The following EYA1 variants were observed in gnomAD, a reference collection of about 807,000 sequenced individuals.
EYA1 encodes protein phosphatase EYA1.
In EYA1, 16 loss-of-function variants were observed where a neutral mutation model predicts 82.0. The observed-to-expected ratio is 0.20, with a 90% CI of 0.13 to 0.30. EYA1 has a LOEUF of 0.30. Ranked by LOEUF, EYA1 falls within the 10% of genes least tolerant of loss-of-function variation. The probability of loss-of-function intolerance (pLI) is 1.00; values close to 1 mark genes in which losing one functional copy is unlikely to be tolerated. For missense variants in EYA1, 633 were observed against 730.7 expected (o/e 0.87, Z 1.54); for synonymous variants, 261 against 264.4 (o/e 0.99, Z 0.12).
rs148038904 is a variant in EYA1, at chr8:71,345,123, A to C, written c.124+9659T>G. On this transcript the variant is annotated intron_variant, in intron 3 of 17. Transcript: ENST00000340726. The stretch of plus-strand genomic sequence containing the variant: ...AGATATGTTTCTTTTTAAAAATATA[A>C]CATTATTTAATAATAGCTGCTATGT... Among the ~76,000 whole-genome samples the C allele has an allele frequency of 1.4e-3, 218 of 152,310 alleles. 1 individual carries two copies. The highest frequency in any genetic ancestry group is 5.1e-3 in the African/African-American group (211 of 41,576).
Position 71,226,070 on chromosome 8 carries a change from A to T in EYA1, c.1141-9047T>A, listed in dbSNP as rs1046158335. On this transcript the variant is annotated intron_variant, in intron 12 of 17. Transcript: ENST00000340726. ...GAAAGTTCCTGAAGATGGTATGTTAAGGTAAAAAATAAATTGAAGTGCTTA... is the reference window on the plus strand; with the variant it reads ...GAAAGTTCCTGAAGATGGTATGTTATGGTAAAAAATAAATTGAAGTGCTTA... Among the ~76,000 whole-genome samples, 6 of 152,334 alleles carry T rather than the reference A, an allele frequency of 3.9e-5. No individual in the cohort carries two copies. In the South Asian group the frequency reaches 1.2e-3, roughly 32 times the overall value.
intron 11 of EYA1, among the ~76,000 whole-genome samples, chr8:71,263,649 C>G (rs929858479): frequency 6.6e-6 from 1 of 152,168 alleles, no homozygotes; most frequent in African/African-American, 2.4e-5. Flanking sequence ...GTGCAAAGCT[C>G]AGAGCATCAC....
intron 3 of EYA1, 176 bp from the exon 4 acceptor site, chr8:71,334,350 G>A (rs528738592): frequency 1.5e-6 from 1 of 679,358 alleles, no homozygotes; most frequent in Non-Finnish European, 2.7e-6. Flanking sequence ...CACATATTAA[G>A]TTCTTTCCCC....
rs532951157 is a variant in EYA1, at chr8:71,330,197, G to A, written c.202+3900C>T. Among the ~76,000 whole-genome samples the A allele has an allele frequency of 3.3e-5, 5 of 152,248 alleles. No individual in the cohort carries two copies. The South Asian group carries it at 1.0e-3, about 32-fold the overall frequency. On this transcript the variant is annotated intron_variant, in intron 4 of 17. Coordinates refer to ENST00000340726, the MANE Select transcript of EYA1 (RefSeq NM_000503.6). Reference sequence around the variant, plus strand: ...CCGAATGGGAGCCTTTGGAGGGTCTGAACTGAAGAATCGGATAGGAACTCC... The same window carrying A: ...CCGAATGGGAGCCTTTGGAGGGTCTAAACTGAAGAATCGGATAGGAACTCC...
chr8:71,210,692 A>G (rs1808398746), intron 17 of EYA1, among the ~76,000 whole-genome samples: 1 of 152,216 alleles, frequency 6.6e-6, no homozygotes, highest in Non-Finnish European at 1.5e-5. Flanking sequence ...TATGAAGAAG[A>G]CATCGAGTCT....
chr8:71,242,426 T>A (rs1211861755), intron 12 of EYA1, among the ~76,000 whole-genome samples: 1 of 152,182 alleles, frequency 6.6e-6, no homozygotes, highest in Admixed American at 6.5e-5. Context: ...GAATTATACC[T>A]TCATTCTCTT....
intron 3 of EYA1, among the ~76,000 whole-genome samples, chr8:71,343,209 C>G (rs754920319): frequency 1.3e-5 from 2 of 152,114 alleles, no homozygotes; most frequent in East Asian, 3.9e-4. Flanking sequence ...TTACAGCAGG[C>G]CATTTCAGCA....
At chr8:71,236,544 T>C (rs1024289804) in intron 12 of EYA1, among the ~76,000 whole-genome samples, 2 of 152,158 alleles carry the variant, frequency 1.3e-5, no homozygotes, top group African/African-American at 2.4e-5. Context: ...AAAATATTTC[T>C]CTATTGTAGT....
At chr8:71,359,318 A>G (rs1226271246) in intron 1 of EYA1, among the ~76,000 whole-genome samples, 1 of 152,152 alleles carries the variant, frequency 6.6e-6, no homozygotes, top group Non-Finnish European at 1.5e-5. Flanking sequence ...TAAACCTCAC[A>G]TAGTACTTCG....
intron 2 of EYA1, among the ~76,000 whole-genome samples, chr8:71,497,176 T>C (rs1241805849): frequency 6.6e-6 from 1 of 152,180 alleles, no homozygotes; most frequent in Non-Finnish European, 1.5e-5. Flanking sequence ...TCTTGGGCCA[T>C]ACATAAAATA....
intron 13 of EYA1, 25 bp from the exon 14 acceptor site, chr8:71,216,877 A>G (rs765790746): frequency 1.7e-5 from 27 of 1,614,012 alleles, no homozygotes; most frequent in Non-Finnish European, 2.1e-5. Flanking sequence ...GAAAAGCCCA[A>G]AGTTAGCCGA....
intron 2 of EYA1, among the ~76,000 whole-genome samples, chr8:71,413,258 A>G (rs1830699174): frequency 6.6e-6 from 1 of 152,228 alleles, no homozygotes; most frequent in African/African-American, 2.4e-5. Context: ...TGACAGCCTC[A>G]GGTGCCACCT....
chr8:71,226,767 A>G (rs1259999211), intron 12 of EYA1, among the ~76,000 whole-genome samples: 1 of 151,514 alleles, frequency 6.6e-6, no homozygotes, highest in African/African-American at 2.4e-5. Context: ...TGCTTTTTTA[A>G]AAGTATACAA....
intron 9 of EYA1, among the ~76,000 whole-genome samples, chr8:71,287,942 C>A (rs181233949): frequency 6.6e-6 from 1 of 152,338 alleles, no homozygotes; most frequent in East Asian, 1.9e-4. Context: ...GTATTATGCT[C>A]ATTCCACAGA....
At chr8:71,495,140 A>G (rs951456351) in intron 2 of EYA1, among the ~76,000 whole-genome samples, 4 of 152,070 alleles carry the variant, frequency 2.6e-5, no homozygotes, top group Non-Finnish European at 5.9e-5. Context: ...TATTAAAGAG[A>G]TAAATAGTGA....
chr8:71,403,957 T>C (rs1830086485), intron 2 of EYA1: 1 of 152,218 alleles, frequency 6.6e-6, no homozygotes, highest in Non-Finnish European at 1.5e-5. Flanking sequence ...TTAAAGTACA[T>C]ACTTGTTTTT....
At chr8:71,358,302 G>A (rs777130421) in intron 1 of EYA1, among the ~76,000 whole-genome samples, 9 of 152,108 alleles carry the variant, frequency 5.9e-5, no homozygotes, top group Non-Finnish European at 1.3e-4. Flanking sequence ...GTGAAAACAT[G>A]CATTTTCACG....
intron 2 of EYA1, among the ~76,000 whole-genome samples, chr8:71,473,175 T>C (rs1033897706): frequency 1.3e-5 from 2 of 151,762 alleles, no homozygotes; most frequent in South Asian, 2.1e-4. Context: ...CAAAAAGCAA[T>C]GGCAACAAAA....
chr8:71,497,998 T>C (rs1221888524), intron 2 of EYA1, among the ~76,000 whole-genome samples: 2 of 151,968 alleles, frequency 1.3e-5, no homozygotes, highest in Non-Finnish European at 2.9e-5. Context: ...TCTAAAAAAG[T>C]TGATCTTCTA....
Sources: allele counts gnomAD v4.1 joint callset (sites outside exome capture counted in the v4.1 genomes callset), GRCh38; gene constraint gnomAD v4.1.1; transcripts MANE v1.5; gene names NCBI Gene and HGNC (gene_info 2026-07-23, HGNC 2026-07-21).